MRPS31: variants seen among roughly 807,000 people sequenced by gnomAD.
MRPS31 encodes small ribosomal subunit protein mS31.
A neutral mutation model predicts 43.1 loss-of-function variants in MRPS31; 32 were observed. The observed-to-expected ratio is 0.74, with a 90% CI of 0.56 to 1.00. The LOEUF is 1.00. MRPS31 is among the 50% of genes least tolerant of loss of function. The pLI, the probability that MRPS31 is intolerant of heterozygous loss-of-function variation, is 0.00. For synonymous variants in MRPS31, 165 were observed against 161.6 expected, an observed-to-expected ratio of 1.02 and a Z score of -0.16; for missense variants, 437 against 466.7, an observed-to-expected ratio of 0.94 and a Z score of 0.59.
chr13:40,729,926 CG>C (rs1879629954), intron 6 of MRPS31, among the ~76,000 whole-genome samples: 1 of 151,812 alleles, frequency 6.6e-6, no homozygotes, highest in Non-Finnish European at 1.5e-5. Flanking sequence ...GACAGGGTTT[CG>C]CCATGTTGGC....
chr13:40,734,930 C>T (rs1445361920), intron 6 of MRPS31, among the ~76,000 whole-genome samples: 1 of 152,126 alleles, frequency 6.6e-6, no homozygotes, highest in African/African-American at 2.4e-5. Context: ...GGGGGAGGAG[C>T]CAAGATGGCC....
rs55694459 is a variant in MRPS31, at chr13:40,729,976, C to T, written c.959-375G>A. ...AACTCCTGACCTCAAGTTATCTGCCCGCCTCGGCCTCCCAAAGTGTTGGGA... is the reference window on the plus strand; with the variant it reads ...AACTCCTGACCTCAAGTTATCTGCCTGCCTCGGCCTCCCAAAGTGTTGGGA... On this transcript the variant is annotated intron_variant, in intron 6 of 6. Coordinates refer to ENST00000323563, the MANE Select transcript of MRPS31 (RefSeq NM_005830.4). 5.3e-5 allele frequency among the ~76,000 whole-genome samples: 8 copies of T among 151,794 alleles called. No homozygotes were observed. The East Asian group carries it at 5.9e-4, about 11-fold the overall frequency.
intron 6 of MRPS31, among the ~76,000 whole-genome samples, chr13:40,729,989 CAA>C (rs1225299858): frequency 2.6e-5 from 4 of 151,870 alleles, no homozygotes; most frequent in Non-Finnish European, 5.9e-5. Flanking sequence ...CTCGGCCTCC[CAA>C]AGTGTTGGGA....
chr13:40,755,738 T>C (rs775274722), intron 4 of MRPS31, among the ~76,000 whole-genome samples: 6 of 152,308 alleles, frequency 3.9e-5, no homozygotes, highest in Admixed American at 1.3e-4. Flanking sequence ...TTTTAACACA[T>C]TGAAAGCACA....
At chr13:40,737,375 G>C (rs1189907435) in intron 6 of MRPS31, among the ~76,000 whole-genome samples, 1 of 152,014 alleles carries the variant, frequency 6.6e-6, no homozygotes, top group Non-Finnish European at 1.5e-5. Flanking sequence ...ACAGATCAAT[G>C]AGACAGAAAG....
intron 1 of MRPS31, among the ~76,000 whole-genome samples, chr13:40,769,905 T>TA (rs2138022062): frequency 6.6e-6 from 1 of 152,342 alleles, no homozygotes; most frequent in Non-Finnish European, 1.5e-5. Flanking sequence ...AGCTCATCAG[T>TA]ACTTCAAATG....
intron 6 of MRPS31, among the ~76,000 whole-genome samples, chr13:40,730,437 A>G (rs1373093988): frequency 6.6e-6 from 1 of 152,090 alleles, no homozygotes; most frequent in African/African-American, 2.4e-5. Context: ...AGGTATAAGA[A>G]TTGTTTGAAC....
At chr13:40,733,247 G>A (rs1015549217) in intron 6 of MRPS31, among the ~76,000 whole-genome samples, 1 of 151,926 alleles carries the variant, frequency 6.6e-6, no homozygotes, top group Admixed American at 6.6e-5. Context: ...CAGGTGATCC[G>A]CCTGCTTCGG....
chr13:40,755,347 T>TA (rs748151834), intron 4 of MRPS31, among the ~76,000 whole-genome samples: 1 of 152,252 alleles, frequency 6.6e-6, no homozygotes, highest in Non-Finnish European at 1.5e-5. Context: ...AATGCCTTGA[T>TA]AAAGTATTGA....
chr13:40,744,510 C>T (rs1202471105), intron 6 of MRPS31, among the ~76,000 whole-genome samples: 3 of 152,066 alleles, frequency 2.0e-5, no homozygotes, highest in Non-Finnish European at 4.4e-5. Context: ...ATATACCATC[C>T]TTATATGTTC....
At position 40,771,183 on chromosome 13, in the gene MRPS31, C is replaced by A. The variant is rs199620565; in HGVS notation, c.-47G>T. ...AAGAACACAACTGAAATGGTGCGTCCCGCTGCCAAACACGTCCCCGCCCTC... is the reference window on the plus strand; with the variant it reads ...AAGAACACAACTGAAATGGTGCGTCACGCTGCCAAACACGTCCCCGCCCTC... On this transcript the variant is annotated 5_prime_UTR_variant, in exon 1 of 7. Coordinates refer to ENST00000323563, the MANE Select transcript of MRPS31 (RefSeq NM_005830.4). The A allele has an allele frequency of 1.9e-6, 3 of 1,541,744 alleles. No individual in the cohort carries two copies. The Admixed American group carries it at 5.7e-5, about 29-fold the overall frequency.
intron 5 of MRPS31, among the ~76,000 whole-genome samples, chr13:40,752,037 T>C (rs1380169835): frequency 6.6e-6 from 1 of 152,166 alleles, no homozygotes; most frequent in Non-Finnish European, 1.5e-5. Context: ...TTCTTTCTTT[T>C]TTTTTTTGAG....
intron 6 of MRPS31, 74 bp downstream of exon 6, chr13:40,749,064 T>C (rs2138004979): frequency 1.4e-6 from 2 of 1,445,970 alleles, no homozygotes; most frequent in Admixed American, 2.5e-5. Context: ...TAAGTATCTA[T>C]ACTCTAAAAG....
At chr13:40,746,898 C>T (rs1308188388) in intron 6 of MRPS31, among the ~76,000 whole-genome samples, 1 of 152,152 alleles carries the variant, frequency 6.6e-6, no homozygotes, top group Non-Finnish European at 1.5e-5. Flanking sequence ...TTAATTCTCA[C>T]ACCAATCTTG....
At chr13:40,770,843 T>C in intron 1 of MRPS31, 142 bp downstream of exon 1, 8 of 1,123,402 alleles carry the variant, frequency 7.1e-6, no homozygotes, top group Non-Finnish European at 1.0e-5. Context: ...CACTATGACC[T>C]TGGGCAAGTC....
At chr13:40,768,273 A>G (rs957303641) in intron 1 of MRPS31, among the ~76,000 whole-genome samples, 6 of 152,186 alleles carry the variant, frequency 3.9e-5, no homozygotes, top group Non-Finnish European at 7.3e-5. Context: ...TACTGACAAT[A>G]TATTAGTAAA....
intron 3 of MRPS31, among the ~76,000 whole-genome samples, chr13:40,757,444 T>C (rs989047102): frequency 3.4e-5 from 5 of 145,142 alleles, no homozygotes; most frequent in Admixed American, 3.4e-4. Context: ...GTCTTCCTTT[T>C]TTTTTTTTTT....
chr13:40,734,335 G>A (rs1255477514), intron 6 of MRPS31, among the ~76,000 whole-genome samples: 3 of 152,154 alleles, frequency 2.0e-5, no homozygotes, highest in Non-Finnish European at 4.4e-5. Flanking sequence ...GTCCCAGGAG[G>A]AGGGCAAAAT....
chr13:40,769,265 A>T (rs2138021323), intron 1 of MRPS31, among the ~76,000 whole-genome samples: 1 of 150,952 alleles, frequency 6.6e-6, no homozygotes, highest in Admixed American at 6.6e-5. Context: ...AGTCCCAGCT[A>T]CTTGGGAGGC....
Sources: allele counts gnomAD v4.1 joint callset (sites outside exome capture counted in the v4.1 genomes callset), GRCh38; gene constraint gnomAD v4.1.1; transcripts MANE v1.5; gene names NCBI Gene and HGNC (gene_info 2026-07-23, HGNC 2026-07-21).